Variants in GUCD1 observed in about 807,000 individuals in gnomAD.
The protein encoded by GUCD1 is guanylyl cyclase domain containing 1.
GUCD1 carries 17 observed loss-of-function variants against 28.3 expected under a neutral mutation model. That is an observed-to-expected ratio of 0.60 (90% CI 0.41 to 0.90). The LOEUF is 0.90. GUCD1 is among the 40% of genes least tolerant of loss of function. GUCD1 has a pLI of 0.00. For missense variants in GUCD1, 279 were observed against 305.5 expected, an observed-to-expected ratio of 0.91 and a Z score of 0.65; for synonymous variants, 129 against 123.3, an observed-to-expected ratio of 1.05 and a Z score of -0.30.
chr22:24,555,531 GA>G (rs1336003181), upstream of GUCD1: 2 of 1,446,392 alleles, frequency 1.4e-6, no homozygotes, highest in African/African-American at 2.8e-5. Flanking sequence ...TGTCTTTAGG[GA>G]TAACCCTGAG....
At chr22:24,549,436 A>G (rs1214461224) in intron 1 of GUCD1, among the ~76,000 whole-genome samples, 1 of 151,896 alleles carries the variant, frequency 6.6e-6, no homozygotes, top group Non-Finnish European at 1.5e-5. Context: ...AGGCCCAGTG[A>G]CCCACATGTG....
intron 1 of GUCD1, among the ~76,000 whole-genome samples, chr22:24,553,071 A>G (rs1268411892): frequency 1.3e-5 from 2 of 152,210 alleles, no homozygotes; most frequent in Non-Finnish European, 2.9e-5. Context: ...AGAGCTGAGC[A>G]GTGGGAGAGC....
At chr22:24,554,317 C>A (rs2044968883) in intron 1 of GUCD1, among the ~76,000 whole-genome samples, 1 of 152,222 alleles carries the variant, frequency 6.6e-6, no homozygotes, top group Non-Finnish European at 1.5e-5. Flanking sequence ...AAAGGGAACA[C>A]TCCCTGGGAG....
intron 4 of GUCD1, among the ~76,000 whole-genome samples, chr22:24,544,618 G>A (rs1170794266): frequency 1.3e-5 from 2 of 152,178 alleles, no homozygotes; most frequent in Non-Finnish European, 2.9e-5. Context: ...TGCTTCCAGG[G>A]GAGCTCCAGT....
chr22:24,555,349 A>AAGCCCCGCCCCTTTCTTTG (rs1043929150), upstream of GUCD1: 2 of 1,363,254 alleles, frequency 1.5e-6, no homozygotes, highest in African/African-American at 1.5e-5. Flanking sequence ...CGGGCCCCGG[A>AAGCCCCGCCCCTTTCTTTG]AGCCCCGCCC....
At chr22:24,551,503 G>A (rs920313939) in intron 1 of GUCD1, among the ~76,000 whole-genome samples, 1 of 152,176 alleles carries the variant, frequency 6.6e-6, no homozygotes, top group South Asian at 2.1e-4. Context: ...CATCTTGGCT[G>A]CCCTCACCTG....
intron 4 of GUCD1, among the ~76,000 whole-genome samples, chr22:24,545,069 G>T (rs1436550687): frequency 6.6e-6 from 1 of 151,962 alleles, no homozygotes. Flanking sequence ...GAGGGACAGA[G>T]GGCAGATGGG....
chr22:24,555,186 G>C (rs1429693989), upstream of GUCD1: 2 of 1,301,292 alleles, frequency 1.5e-6, no homozygotes, highest in Non-Finnish European at 1.9e-6. Context: ...CGAATCTGGA[G>C]GCCCCGCCCC....
upstream of GUCD1, chr22:24,555,152 C>T (rs2045014739): frequency 3.1e-6 from 4 of 1,308,220 alleles, no homozygotes; most frequent in East Asian, 1.3e-4. Flanking sequence ...CCGCCCCAAG[C>T]GCCGCCCCAG....
intron 3 of GUCD1, 101 bp downstream of exon 3, chr22:24,547,807 G>A: frequency 1.6e-6 from 2 of 1,230,524 alleles, no homozygotes; most frequent in Non-Finnish European, 2.3e-6. Flanking sequence ...ATCTACCTGG[G>A]TGTCTAGCCC....
intron 2 of GUCD1, 47 bp downstream of exon 2, chr22:24,548,870 A>C: frequency 7.1e-7 from 1 of 1,405,116 alleles, no homozygotes; most frequent in Non-Finnish European, 9.8e-7. Context: ...CCAGAGCAGA[A>C]GATGTAGATG....
chr22:24,555,477 C>T (rs2045034200), upstream of GUCD1: 10 of 1,195,932 alleles, frequency 8.4e-6, no homozygotes. Context: ...AAGCCCTGAT[C>T]CCGCCCAGTG....
Position 24,544,882 on chromosome 22 carries a change from T to C in GUCD1, c.387-799A>G, listed in dbSNP as rs541715320. The stretch of plus-strand genomic sequence containing the variant: ...TTAAAAATTTACCAGGCGTGGGGCG[T>C]GGTGGTATGAGATTGTGGTTCCAGC... On this transcript the variant is annotated intron_variant, in intron 4 of 5. Coordinates refer to ENST00000435822, the MANE Select transcript of GUCD1 (RefSeq NM_001284254.2). Among the ~76,000 whole-genome samples the C allele has an allele frequency of 7.3e-5, 11 of 151,538 alleles. No homozygotes were observed. The East Asian group carries it at 2.1e-3, about 29-fold the overall frequency.
At position 24,544,022 on chromosome 22, in the gene GUCD1, C is replaced by T. The variant is rs750019257; in HGVS notation, c.448G>A (p.Val150Met). Reference protein sequence around the residue: ...LAQGHVAIVLVNSGVLHCDLC... With the variant: ...LAQGHVAIVLMNSGVLHCDLC... ...TCACAGTGCAGCACCCCCGAGTTCA[C>T]CAGCACGATGGCCACATGGCCCTGA... Residue 150 changes from valine (V) to methionine (M), a missense_variant, in exon 5 of 6, where the codon GTG becomes ATG. Physicochemically the swap from Val to Met is conservative, Grantham distance 21. Transcript: ENST00000435822. 3 of 1,614,030 alleles carry T rather than the reference C, an allele frequency of 1.9e-6. No homozygotes were observed. Among genetic ancestry groups the T allele is most frequent in the South Asian group, 1.1e-5 (1 of 91,084 alleles).
rs148410926 is a variant in GUCD1, at chr22:24,543,846, G to A, written c.624C>T (p.Ala208=). Residue 208 remains alanine (A), a synonymous_variant, in exon 5 of 6, where the codon GCC becomes GCT. Transcript: ENST00000435822. ...GCIFYNNPAY[A]DRMCSTSISN... is the part of the protein sequence containing the mutation. The stretch of plus-strand genomic sequence containing the variant: ...CCCACCCCACCCAGCACTCACGGTC[G>A]GCATAGGCTGGGTTGTTGTAGAAGA... The A allele has an allele frequency of 2.0e-5, 32 of 1,613,726 alleles. No homozygotes were observed. The Admixed American group carries it at 5.0e-4, about 25-fold the overall frequency.
At chr22:24,555,516 C>A, upstream of GUCD1, 5 of 1,385,308 alleles carry the variant, frequency 3.6e-6, no homozygotes, top group Non-Finnish European at 4.9e-6. Context: ...CAACTCTCCT[C>A]CAACTGTCTT....
At position 24,548,044 on chromosome 22, in the gene GUCD1, AACTC is replaced by A. The variant is rs1179539916; in HGVS notation, c.154_157del (p.Glu52LeufsTer10). 1 of 1,613,990 alleles carries A rather than the reference AACTC, an allele frequency of 6.2e-7. No homozygotes were observed. The highest frequency in any genetic ancestry group is 8.5e-7 in the Non-Finnish European group (1 of 1,179,976). On this transcript the variant is annotated frameshift_variant, in exon 3 of 6. Transcript: ENST00000435822. LOFTEE classifies it high-confidence loss of function. ...CTGCAGCTTCTGCAGGGCTCTCTCA[AACTC>A]ACTGTCGTCCAGCTGGCCCAGGTAC...
At chr22:24,555,788 C>T (rs763429424), upstream of GUCD1, 40 of 1,549,640 alleles carry the variant, frequency 2.6e-5, no homozygotes, top group African/African-American at 4.4e-4. Flanking sequence ...TCTTTGCCGG[C>T]CCCAAGGGTC....
rs2044660768 is a variant in GUCD1, at chr22:24,543,996, G to A, written c.474C>T (p.Asp158=). 6.2e-7 allele frequency: 1 copy of A among 1,613,996 alleles called. No homozygotes were observed. Among genetic ancestry groups the A allele is most frequent in the Middle Eastern group, 1.6e-4 (1 of 6,062 alleles). The stretch of plus-strand genomic sequence containing the variant: ...AGTACTTGACAGGGCTGGAGCACAG[G>A]TCACAGTGCAGCACCCCCGAGTTCA... ...VLVNSGVLHC[D]LCSSPVKYCC... The change falls in exon 5 of 6, where the codon GAC becomes GAT. Residue 158 remains aspartate, a synonymous_variant. Transcript: ENST00000435822.
Sources: allele counts gnomAD v4.1 joint callset (sites outside exome capture counted in the v4.1 genomes callset), GRCh38; gene constraint gnomAD v4.1.1; transcripts MANE v1.5; gene names NCBI Gene and HGNC (gene_info 2026-07-23, HGNC 2026-07-21).